The following THEMIS variants were observed in gnomAD, a reference collection of about 807,000 sequenced individuals.
THEMIS encodes thymocyte selection associated.
THEMIS carries 37 observed loss-of-function variants against 52.6 expected under a neutral mutation model. The ratio of observed to expected loss-of-function variants is 0.70; its 90% CI spans 0.54 to 0.93. The LOEUF (loss-of-function observed/expected upper bound fraction) is 0.93, where lower values mean the gene tolerates loss of function less well. Ranked by LOEUF, THEMIS falls within the 40% of genes least tolerant of loss-of-function variation. The probability of loss-of-function intolerance (pLI) is 0.00; values close to 1 mark genes in which losing one functional copy is unlikely to be tolerated. For missense variants in THEMIS, 808 were observed against 763.1 expected (o/e 1.06, Z -0.69); for synonymous variants, 292 against 272.7 (o/e 1.07, Z -0.70).
chr6:127,736,869 A>AAAAAAAAAAAAAAAAAG (rs1311286464), intron 4 of THEMIS, among the ~76,000 whole-genome samples: 1 of 151,276 alleles, frequency 6.6e-6, no homozygotes, highest in Non-Finnish European at 1.5e-5. Flanking sequence ...AAAAAAAAAG[A>AAAAAAAAAAAAAAAAAG]AAAAATATTT....
intron 4 of THEMIS, among the ~76,000 whole-genome samples, chr6:127,800,977 G>C (rs1246598947): frequency 6.6e-6 from 1 of 152,206 alleles, no homozygotes; most frequent in Admixed American, 6.5e-5. Flanking sequence ...TAAGGATGAA[G>C]TTCTTTCGTT....
the THEMIS span, among the ~76,000 whole-genome samples, chr6:127,697,276 C>A: frequency 6.6e-6 from 1 of 152,116 alleles, no homozygotes; most frequent in African/African-American, 2.4e-5. Context: ...ATATCCATGC[C>A]TTCCACAAAT....
chr6:127,830,339 A>G (rs1192443864), intron 2 of THEMIS, among the ~76,000 whole-genome samples: 4 of 152,134 alleles, frequency 2.6e-5, no homozygotes, highest in Non-Finnish European at 5.9e-5. Flanking sequence ...TTATGAATAT[A>G]TTCTCTAGAC....
At chr6:127,901,357 T>A (rs1226500528), upstream of THEMIS, among the ~76,000 whole-genome samples, 1 of 152,108 alleles carries the variant, frequency 6.6e-6, no homozygotes, top group Non-Finnish European at 1.5e-5. Flanking sequence ...GACTAAAGTC[T>A]AATCTTAAAA....
intron 4 of THEMIS, among the ~76,000 whole-genome samples, chr6:127,751,747 T>G (rs1306951118): frequency 2.6e-5 from 4 of 151,710 alleles, no homozygotes; most frequent in African/African-American, 9.7e-5. Context: ...AATACACTAA[T>G]GTTAGGGGAC....
intron 1 of THEMIS, among the ~76,000 whole-genome samples, chr6:127,877,422 T>A (rs538255149): frequency 3.9e-5 from 6 of 152,300 alleles, no homozygotes; most frequent in Admixed American, 6.5e-5. Flanking sequence ...CACACTAAGC[T>A]TAATCATTTC....
At chr6:127,823,836 A>G (rs1405212618) in intron 3 of THEMIS, among the ~76,000 whole-genome samples, 1 of 152,094 alleles carries the variant, frequency 6.6e-6, no homozygotes, top group African/African-American at 2.4e-5. Flanking sequence ...TAAGAAGTCA[A>G]AAAAGAAAGT....
chr6:127,748,690 G>A (rs1775533964), intron 4 of THEMIS, among the ~76,000 whole-genome samples: 1 of 152,032 alleles, frequency 6.6e-6, no homozygotes, highest in African/African-American at 2.4e-5. Flanking sequence ...GAATACTTTA[G>A]CAAAATGGGA....
At chr6:127,874,180 A>C (rs1194579733) in intron 1 of THEMIS, among the ~76,000 whole-genome samples, 1 of 152,204 alleles carries the variant, frequency 6.6e-6, no homozygotes, top group Non-Finnish European at 1.5e-5. Context: ...AAAGGAGATG[A>C]TTAGTGTAAC....
intron 4 of THEMIS, among the ~76,000 whole-genome samples, chr6:127,759,031 T>C (rs1465680405): frequency 1.3e-5 from 2 of 152,176 alleles, no homozygotes; most frequent in Non-Finnish European, 2.9e-5. Context: ...ATATTAGATA[T>C]TCTATTTTGA....
chr6:127,875,007 A>G (rs1419270572), intron 1 of THEMIS, among the ~76,000 whole-genome samples: 1 of 152,194 alleles, frequency 6.6e-6, no homozygotes, highest in Non-Finnish European at 1.5e-5. Context: ...CAGAAACCCT[A>G]TTGTGAACTG....
chr6:127,851,973 T>C (rs985961141), intron 2 of THEMIS, among the ~76,000 whole-genome samples: 20 of 151,644 alleles, frequency 1.3e-4, no homozygotes, highest in African/African-American at 4.6e-4. Flanking sequence ...TTTTGCATCA[T>C]GGTAAAGCTG....
chr6:127,740,602 C>A (rs1242913434), intron 4 of THEMIS, among the ~76,000 whole-genome samples: 1 of 152,052 alleles, frequency 6.6e-6, no homozygotes, highest in Non-Finnish European at 1.5e-5. Context: ...TGCTGACATG[C>A]TTTGGACGAC....
Position 127,897,410 on chromosome 6 carries a change from A to AAT in THEMIS, c.91+3430_91+3431dup, listed in dbSNP as rs779175104. Among the ~76,000 whole-genome samples the AAT allele has an allele frequency of 7.3e-5, 11 of 151,536 alleles. No homozygotes were observed. The East Asian group carries it at 1.5e-3, about 21-fold the overall frequency. ...AAATTGACAAAGAGTAAATATCCCA[A>AAT]ATATATATATACACATAAACTCCAT... On this transcript the variant is annotated intron_variant, in intron 1 of 5. Transcript: ENST00000368248.
chr6:127,721,651 C>A (rs1230131379), intron 4 of THEMIS, among the ~76,000 whole-genome samples: 7 of 151,998 alleles, frequency 4.6e-5, no homozygotes, highest in Non-Finnish European at 8.8e-5. Context: ...CCACAGTCCA[C>A]AAAAATATAA....
intron 3 of THEMIS, among the ~76,000 whole-genome samples, chr6:127,821,277 C>A (rs774819740): frequency 6.6e-6 from 1 of 151,684 alleles, no homozygotes. Context: ...AGAGTACAAG[C>A]TAAATTAGAA....
At chr6:127,699,889 CTTGTGTTGGG>C in the THEMIS span, among the ~76,000 whole-genome samples, 1 of 151,796 alleles carries the variant, frequency 6.6e-6, no homozygotes, top group East Asian at 1.9e-4. Flanking sequence ...CTCTTCATGA[CTTGTGTTGGG>C]CAAATATTTT....
chr6:127,727,828 C>T (rs1774605064), intron 4 of THEMIS, among the ~76,000 whole-genome samples: 1 of 152,074 alleles, frequency 6.6e-6, no homozygotes, highest in Admixed American at 6.6e-5. Context: ...TTGGAGCCTG[C>T]TTTCTATCTC....
intron 4 of THEMIS, among the ~76,000 whole-genome samples, chr6:127,758,333 G>T (rs1473147084): frequency 1.3e-5 from 2 of 149,320 alleles, no homozygotes; most frequent in African/African-American, 4.9e-5. Flanking sequence ...CAATTTCTTA[G>T]AGAAACATGG....
Sources: allele counts gnomAD v4.1 joint callset (sites outside exome capture counted in the v4.1 genomes callset), GRCh38; gene constraint gnomAD v4.1.1; transcripts MANE v1.5; gene names NCBI Gene and HGNC (gene_info 2026-07-23, HGNC 2026-07-21).